KCNH8: variants seen among roughly 807,000 people sequenced by gnomAD.
The protein encoded by KCNH8 is voltage-gated delayed rectifier potassium channel KCNH8.
Under a neutral mutation model 103.6 loss-of-function variants are expected in KCNH8, and 70 were observed. The ratio of observed to expected loss-of-function variants is 0.68; its 90% confidence interval spans 0.56 to 0.82. The LOEUF is 0.82. Ranked by LOEUF, KCNH8 falls within the 40% of genes least tolerant of loss-of-function variation. KCNH8 has a pLI of 0.00. For missense variants in KCNH8, 1,217 were observed against 1,329.9 expected (o/e 0.92, Z 1.32); for synonymous variants, 498 against 489.4 (o/e 1.02, Z -0.23).
chr3:19,366,252 T>G (rs2066009605), intron 5 of KCNH8, among the ~76,000 whole-genome samples: 2 of 152,124 alleles, frequency 1.3e-5, no homozygotes, highest in African/African-American at 4.8e-5. Context: ...TGTTACTTAT[T>G]CCTATTTTTT....
At chr3:19,298,969 A>G (rs2065030619) in intron 3 of KCNH8, among the ~76,000 whole-genome samples, 1 of 151,750 alleles carries the variant, frequency 6.6e-6, no homozygotes, top group Non-Finnish European at 1.5e-5. Flanking sequence ...TTGAGGGGTA[A>G]AAAAGTTATA....
At chr3:19,376,474 AC>A (rs2066207038) in intron 5 of KCNH8, among the ~76,000 whole-genome samples, 5 of 151,962 alleles carry the variant, frequency 3.3e-5, no homozygotes, top group Admixed American at 3.3e-4. Flanking sequence ...CGGTGCGCGC[AC>A]CCACTGACCT....
chr3:19,168,011 C>CTT (rs752541967), intron 1 of KCNH8, among the ~76,000 whole-genome samples: 1 of 135,764 alleles, frequency 7.4e-6, no homozygotes, highest in Admixed American at 7.5e-5. Flanking sequence ...CTCTCCACTT[C>CTT]TTTTTTTTTT....
At chr3:19,453,779 C>T (rs941270768) in intron 10 of KCNH8, among the ~76,000 whole-genome samples, 5 of 152,174 alleles carry the variant, frequency 3.3e-5, no homozygotes, top group African/African-American at 1.2e-4. Flanking sequence ...TACCAAACAC[C>T]AGCCTGCAGA....
At chr3:19,209,829 C>T (rs551533615) in intron 1 of KCNH8, among the ~76,000 whole-genome samples, 3 of 152,136 alleles carry the variant, frequency 2.0e-5, no homozygotes, top group East Asian at 1.9e-4. Context: ...TCTGGCAGGA[C>T]GATTCCTGGG....
chr3:19,206,170 A>G (rs115325182), intron 1 of KCNH8, among the ~76,000 whole-genome samples: 5,190 of 131,914 alleles, frequency 0.039, 152 homozygotes, highest in Middle Eastern at 0.073. Context: ...GTGTGTGTGT[A>G]TATATATATA....
rs1375053717 is a variant in KCNH8 at position 19,510,406 on chromosome 3, G to A, written c.2079+5G>A. The A allele has an allele frequency of 6.4e-7, 1 of 1,553,814 alleles. No individual in the cohort carries two copies. The highest frequency in any genetic ancestry group is 1.7e-5 in the Admixed American group (1 of 59,852). On this transcript the variant is annotated splice_donor_5th_base_variant and intron_variant, in intron 12 of 15. Coordinates refer to ENST00000328405, the MANE Select transcript of KCNH8 (RefSeq NM_144633.3). ...AACAAATCTATGGTCTCACAGGTAT[G>A]GCTTTTGCTACACAGCAAAATATTT...
intron 8 of KCNH8, among the ~76,000 whole-genome samples, chr3:19,447,499 A>C (rs2067379969): frequency 6.6e-6 from 1 of 152,032 alleles, no homozygotes; most frequent in Admixed American, 6.6e-5. Context: ...AAAATCATAC[A>C]CATAATTAAG....
intron 1 of KCNH8, among the ~76,000 whole-genome samples, chr3:19,247,232 C>T (rs968544121): frequency 2.6e-5 from 4 of 152,056 alleles, no homozygotes; most frequent in African/African-American, 9.7e-5. Flanking sequence ...ATAAAGATAA[C>T]CTCCTAAATT....
chr3:19,395,767 G>C (rs2066507176), intron 7 of KCNH8, among the ~76,000 whole-genome samples: 1 of 152,036 alleles, frequency 6.6e-6, no homozygotes, highest in Non-Finnish European at 1.5e-5. Context: ...AGGAGAGAGA[G>C]AGTGTGTGAG....
At chr3:19,471,860 A>G (rs1017191718) in intron 11 of KCNH8, among the ~76,000 whole-genome samples, 6 of 152,198 alleles carry the variant, frequency 3.9e-5, no homozygotes, top group African/African-American at 1.4e-4. Context: ...AAGTTAATGG[A>G]GCATTCATAG....
intron 7 of KCNH8, among the ~76,000 whole-genome samples, chr3:19,425,495 A>G (rs925184303): frequency 2.6e-5 from 4 of 152,314 alleles, no homozygotes; most frequent in Admixed American, 6.5e-5. Context: ...TTTAATTGAG[A>G]GAATTTTTAA....
chr3:19,198,520 G>A (rs1386527135), intron 1 of KCNH8, among the ~76,000 whole-genome samples: 1 of 152,084 alleles, frequency 6.6e-6, no homozygotes, highest in East Asian at 1.9e-4. Context: ...AGCCAATAGA[G>A]AATGTGTGCA....
At chr3:19,430,993 T>C (rs1338331057) in intron 7 of KCNH8, among the ~76,000 whole-genome samples, 3 of 152,182 alleles carry the variant, frequency 2.0e-5, no homozygotes, top group Non-Finnish European at 4.4e-5. Context: ...TCTTGCCTGA[T>C]TGCCCTGGCC....
intron 7 of KCNH8, among the ~76,000 whole-genome samples, chr3:19,423,463 A>G (rs2066980638): frequency 1.3e-5 from 2 of 151,940 alleles, no homozygotes; most frequent in Non-Finnish European, 1.5e-5. Context: ...AGTCCATTAT[A>G]TCATTCTTAT....
At chr3:19,480,313 AAAC>A (rs1243736891) in intron 11 of KCNH8, among the ~76,000 whole-genome samples, 1 of 152,200 alleles carries the variant, frequency 6.6e-6, no homozygotes, top group Non-Finnish European at 1.5e-5. Context: ...CAGGACTGAA[AAAC>A]CACTCAAAAT....
chr3:19,154,554 C>T (rs555481532), intron 1 of KCNH8, among the ~76,000 whole-genome samples: 15 of 152,268 alleles, frequency 9.9e-5, no homozygotes, highest in Admixed American at 9.2e-4. Flanking sequence ...TGGGATGTTT[C>T]TTTTTACTAT....
chr3:19,206,168 G>GTGTGTATATA (rs979868166), intron 1 of KCNH8, among the ~76,000 whole-genome samples: 5 of 139,252 alleles, frequency 3.6e-5, no homozygotes, highest in African/African-American at 1.4e-4. Context: ...TGGTGTGTGT[G>GTGTGTATATA]TATATATATA....
At chr3:19,465,291 G>A (rs925015844) in intron 11 of KCNH8, among the ~76,000 whole-genome samples, 3 of 152,212 alleles carry the variant, frequency 2.0e-5, no homozygotes, top group African/African-American at 2.4e-5. Flanking sequence ...TAAGAAGTAT[G>A]CTAAATCTTT....
Sources: allele counts gnomAD v4.1 joint callset (sites outside exome capture counted in the v4.1 genomes callset), GRCh38; gene constraint gnomAD v4.1.1; transcripts MANE v1.5; gene names NCBI Gene and HGNC (gene_info 2026-07-23, HGNC 2026-07-21).